The following DAPP1 variants were observed in gnomAD, a reference collection of about 807,000 sequenced individuals.
DAPP1 encodes dual adapter for phosphotyrosine and 3-phosphotyrosine and 3-phosphoinositide.
DAPP1 carries 20 observed loss-of-function variants against 41.5 expected under a neutral mutation model. The ratio of observed to expected loss-of-function variants is 0.48; its 90% CI spans 0.34 to 0.70. The LOEUF (loss-of-function observed/expected upper bound fraction) is 0.70, where lower values mean the gene tolerates loss of function less well. DAPP1 is among the 30% of genes least tolerant of loss of function. The probability of loss-of-function intolerance (pLI) is 0.01; values close to 1 mark genes in which losing one functional copy is unlikely to be tolerated. For missense variants in DAPP1, 233 were observed against 333.4 expected (o/e 0.70, Z 2.35); for synonymous variants, 113 against 116.2 (o/e 0.97, Z 0.18).
At chr4:99,820,165 G>T (rs1258211433) in intron 1 of DAPP1, among the ~76,000 whole-genome samples, 1 of 152,200 alleles carries the variant, frequency 6.6e-6, no homozygotes, top group Admixed American at 6.5e-5. Context: ...AGAAGTGAGG[G>T]TGTGGAGAAT....
chr4:99,838,262 T>A (rs1393166493), intron 2 of DAPP1, among the ~76,000 whole-genome samples: 1 of 152,178 alleles, frequency 6.6e-6, no homozygotes, highest in Non-Finnish European at 1.5e-5. Context: ...AATTATTGAT[T>A]TTCATTGCAA....
intron 1 of DAPP1, among the ~76,000 whole-genome samples, chr4:99,820,103 A>G (rs1722722508): frequency 6.6e-6 from 1 of 152,124 alleles, no homozygotes; most frequent in African/African-American, 2.4e-5. Context: ...CTTCGCTTAC[A>G]CTTCTCAGGG....
chr4:99,863,678 G>A (rs1054500586), intron 6 of DAPP1, 92 bp from the exon 7 acceptor site: 1 of 814,738 alleles, frequency 1.2e-6, no homozygotes, highest in Non-Finnish European at 1.9e-6. Context: ...GCACATAGTG[G>A]AAAACTTGTG....
At position 99,819,035 on chromosome 4, in the gene DAPP1, T is replaced by A. The variant is rs58391567; in HGVS notation, c.101+2021T>A. Among the ~76,000 whole-genome samples the A allele has an allele frequency of 2.4e-4, 37 of 152,376 alleles. 1 individual carries two copies. The East Asian group carries it at 7.1e-3, about 29-fold the overall frequency. ...TTTCATTTTAAGTCTGTTGGGTGTG[T>A]ACTTGAATCTTAAAATTACTAATAA... On this transcript the variant is annotated intron_variant, in intron 1 of 8. Transcript: ENST00000512369.
In DAPP1 at chr4:99,835,638, C is replaced by T. The variant is rs1378029445; in HGVS notation, c.117C>T (p.Asn39=). 1 of 1,613,434 alleles carries T rather than the reference C, an allele frequency of 6.2e-7. No individual in the cohort carries two copies. The highest frequency in any genetic ancestry group is 8.5e-7 in the Non-Finnish European group (1 of 1,179,832). Residue 39 remains asparagine (N), a synonymous_variant, in exon 2 of 9, where the codon AAC becomes AAT. Coordinates refer to ENST00000512369, the MANE Select transcript of DAPP1 (RefSeq NM_014395.3). ...LLQDLGWYHG[N]LTRHAAEALL... is the part of the protein sequence containing the mutation. ...TCCTTTCTAGGTGGTATCACGGCAA[C>T]CTCACACGCCATGCTGCTGAAGCTC...
chr4:99,844,228 CTA>C (rs1337941154), intron 3 of DAPP1: 1 of 152,164 alleles, frequency 6.6e-6, no homozygotes, highest in African/African-American at 2.4e-5. Context: ...AGTTTGAATT[CTA>C]TGTTCCTCAC....
chr4:99,865,306 T>C (rs1724385700), intron 7 of DAPP1: 1 of 152,218 alleles, frequency 6.6e-6, no homozygotes, highest in Non-Finnish European at 1.5e-5. Context: ...CAGTATGTAA[T>C]TTAGGGCTGA....
chr4:99,848,386 C>A (rs995228612), intron 3 of DAPP1, among the ~76,000 whole-genome samples: 1 of 151,698 alleles, frequency 6.6e-6, no homozygotes, highest in Non-Finnish European at 1.5e-5. Flanking sequence ...TGCCACCACG[C>A]CTGGCTAATT....
chr4:99,854,958 C>A (rs1723994612), intron 4 of DAPP1, among the ~76,000 whole-genome samples: 1 of 152,192 alleles, frequency 6.6e-6, no homozygotes, highest in African/African-American at 2.4e-5. Context: ...TGGCTCATGG[C>A]ACATCTTACA....
intron 1 of DAPP1, among the ~76,000 whole-genome samples, chr4:99,834,405 A>G (rs1212250457): frequency 1.3e-5 from 2 of 150,102 alleles, no homozygotes; most frequent in South Asian, 2.1e-4. Flanking sequence ...TTTTTTTTTT[A>G]CCATAGATAT....
intron 8 of DAPP1, chr4:99,866,708 G>A: frequency 1.6e-6 from 1 of 637,148 alleles, no homozygotes; most frequent in East Asian, 2.8e-5. Context: ...TGTCCTTAAA[G>A]CTGACTAAAA....
At chr4:99,839,405 T>C (rs1192121730) in intron 2 of DAPP1, among the ~76,000 whole-genome samples, 2 of 148,670 alleles carry the variant, frequency 1.3e-5, no homozygotes, top group Non-Finnish European at 3.0e-5. Context: ...TAGATATCTA[T>C]AGATATATAT....
intron 2 of DAPP1, among the ~76,000 whole-genome samples, chr4:99,836,807 C>T (rs1036069144): frequency 6.6e-6 from 1 of 152,246 alleles, no homozygotes; most frequent in Non-Finnish European, 1.5e-5. Context: ...TGGATTATCT[C>T]ACAGTTTCTG....
chr4:99,829,039 T>A (rs1333446057), intron 1 of DAPP1, among the ~76,000 whole-genome samples: 1 of 152,214 alleles, frequency 6.6e-6, no homozygotes, highest in African/African-American at 2.4e-5. Flanking sequence ...CCCAACTGCA[T>A]AACAGTGTGT....
chr4:99,825,649 C>T (rs184771773), intron 1 of DAPP1, among the ~76,000 whole-genome samples: 8 of 152,318 alleles, frequency 5.3e-5, no homozygotes, highest in Admixed American at 3.3e-4. Context: ...ATCACAGAAA[C>T]GTCTCTATTG....
chr4:99,833,360 G>A (rs1034855937), intron 1 of DAPP1, among the ~76,000 whole-genome samples: 39 of 152,300 alleles, frequency 2.6e-4, no homozygotes, highest in African/African-American at 9.4e-4. Context: ...TCTAATATAG[G>A]ATGAAAGCAT....
chr4:99,870,444 G>A (rs567470799), downstream of DAPP1, among the ~76,000 whole-genome samples: 38 of 152,244 alleles, frequency 2.5e-4, no homozygotes, highest in African/African-American at 8.9e-4. Flanking sequence ...AGGTGCTTCA[G>A]CAGGGGATAC....
chr4:99,824,872 G>A (rs1490945188), intron 1 of DAPP1, among the ~76,000 whole-genome samples: 2 of 152,026 alleles, frequency 1.3e-5, no homozygotes, highest in East Asian at 1.9e-4. Context: ...TGCTTTTTTG[G>A]TCTTGCAGCC....
chr4:99,834,874 TC>T (rs1357214576), intron 1 of DAPP1, among the ~76,000 whole-genome samples: 2 of 152,140 alleles, frequency 1.3e-5, no homozygotes, highest in African/African-American at 4.8e-5. Flanking sequence ...GAGAATCTGT[TC>T]CAGGCCTCTT....
Sources: allele counts gnomAD v4.1 joint callset (sites outside exome capture counted in the v4.1 genomes callset), GRCh38; gene constraint gnomAD v4.1.1; transcripts MANE v1.5; gene names NCBI Gene and HGNC (gene_info 2026-07-23, HGNC 2026-07-21).